CNTN1: variants seen among roughly 807,000 people sequenced by gnomAD.
CNTN1 encodes contactin 1.
In CNTN1, 38 loss-of-function variants were observed where a neutral mutation model predicts 126.4. The ratio of observed to expected loss-of-function variants is 0.30; its 90% CI spans 0.23 to 0.39. The LOEUF (loss-of-function observed/expected upper bound fraction) is 0.39. Ranked by LOEUF, CNTN1 falls within the 10% of genes least tolerant of loss-of-function variation. The pLI, the probability that CNTN1 is intolerant of heterozygous loss-of-function variation, is 1.00. For synonymous variants in CNTN1, 413 were observed against 422.6 expected, an observed-to-expected ratio of 0.98 and a Z score of 0.28; for missense variants, 1,009 against 1,248.4, an observed-to-expected ratio of 0.81 and a Z score of 2.89.
At chr12:41,060,514 T>G (rs1009509334) in intron 23 of CNTN1, among the ~76,000 whole-genome samples, 1 of 152,218 alleles carries the variant, frequency 6.6e-6, no homozygotes, top group South Asian at 2.1e-4. Context: ...CAAAATGGAA[T>G]GGGCATTTGA....
intron 1 of CNTN1, among the ~76,000 whole-genome samples, chr12:40,782,239 T>G (rs1366705941): frequency 1.3e-5 from 2 of 151,908 alleles, no homozygotes; most frequent in Non-Finnish European, 2.9e-5. Context: ...TAATTTCTAA[T>G]AGAAGTTGAT....
At chr12:41,008,018 T>G (rs1172060069) in intron 17 of CNTN1, among the ~76,000 whole-genome samples, 1 of 152,062 alleles carries the variant, frequency 6.6e-6, no homozygotes. Flanking sequence ...TCTATATCGT[T>G]CCCCCCTCTG....
intron 1 of CNTN1, chr12:40,896,105 C>T (rs1241491517): frequency 3.3e-5 from 5 of 152,082 alleles, no homozygotes; most frequent in African/African-American, 1.2e-4. Flanking sequence ...CATCGATGTT[C>T]ATAGGTGCTT....
At chr12:40,728,830 G>C (rs1270533530) in intron 1 of CNTN1, 1 of 152,268 alleles carries the variant, frequency 6.6e-6, no homozygotes. Context: ...AAGGAGACAG[G>C]TGGCTGGAGT....
chr12:40,780,980 A>G (rs1475006494), intron 1 of CNTN1, among the ~76,000 whole-genome samples: 3 of 151,542 alleles, frequency 2.0e-5, no homozygotes, highest in Non-Finnish European at 4.4e-5. Context: ...TTTCTTTTAC[A>G]CTAGACAGCA....
chr12:41,033,882 C>CA (rs34710701), intron 23 of CNTN1, among the ~76,000 whole-genome samples: 9,637 of 103,178 alleles, frequency 0.093, 357 homozygotes, highest in Middle Eastern at 0.19. Flanking sequence ...ACTAAAAATA[C>CA]AAAAAAAAAA....
chr12:40,885,252 GA>G (rs1287447761), intron 1 of CNTN1, among the ~76,000 whole-genome samples: 15 of 151,862 alleles, frequency 9.9e-5, no homozygotes, highest in Admixed American at 9.9e-4. Context: ...ACACAAAGAA[GA>G]ACCTATATGA....
At chr12:40,875,122 C>T (rs879265391) in intron 1 of CNTN1, among the ~76,000 whole-genome samples, 1 of 152,118 alleles carries the variant, frequency 6.6e-6, no homozygotes, top group Admixed American at 6.6e-5. Context: ...ATGCCTAAAC[C>T]TCTTTCCAGA....
chr12:40,807,972 TG>T (rs1940919516), intron 1 of CNTN1, among the ~76,000 whole-genome samples: 1 of 152,192 alleles, frequency 6.6e-6, no homozygotes, highest in African/African-American at 2.4e-5. Flanking sequence ...TTAACCACAA[TG>T]ATTTTCCAAA....
chr12:40,981,655 G>A (rs1277456424), intron 16 of CNTN1, among the ~76,000 whole-genome samples: 1 of 152,076 alleles, frequency 6.6e-6, no homozygotes, highest in East Asian at 1.9e-4. Flanking sequence ...CTAAGAATAA[G>A]TGGGTACTTT....
chr12:40,750,093 G>GA (rs1210877688), intron 1 of CNTN1, among the ~76,000 whole-genome samples: 3 of 152,052 alleles, frequency 2.0e-5, no homozygotes, highest in African/African-American at 7.2e-5. Flanking sequence ...TGGTTCAGAA[G>GA]AATGAGAGGA....
chr12:40,774,413 A>G lies in CNTN1; in HGVS notation c.-77+81821A>G, dbSNP rs556064832. Among the ~76,000 whole-genome samples, 7 of 151,830 alleles carry G rather than the reference A, an allele frequency of 4.6e-5. No homozygotes were observed. In the South Asian group the frequency reaches 1.4e-3, roughly 31 times the overall value. The stretch of plus-strand genomic sequence containing the variant: ...CATCTCTGAATGTTTAAGGGAAGAC[A>G]TCGATCTATCAGTAGTTCAATTATT... On this transcript the variant is annotated intron_variant, in intron 1 of 23. Coordinates refer to ENST00000551295, the MANE Select transcript of CNTN1 (RefSeq NM_001843.4).
chr12:40,904,088 G>A (rs912802496), intron 1 of CNTN1, among the ~76,000 whole-genome samples: 1 of 151,494 alleles, frequency 6.6e-6, no homozygotes. Context: ...GCGCGATCTC[G>A]GCTCACTGCA....
chr12:40,872,248 GTGTGTGTGTGT>G, intron 1 of CNTN1, among the ~76,000 whole-genome samples: 1 of 146,860 alleles, frequency 6.8e-6, no homozygotes, highest in Admixed American at 6.7e-5. Context: ...GTGTGTGTGT[GTGTGTGTGTGT>G]GTTTTCCCTA....
intron 1 of CNTN1, among the ~76,000 whole-genome samples, chr12:40,862,029 C>A (rs1042352360): frequency 6.7e-6 from 1 of 149,836 alleles, no homozygotes; most frequent in African/African-American, 2.5e-5. Context: ...GCCTGGGCAG[C>A]CGAGTGAGGC....
chr12:40,908,594 G>A lies in CNTN1; in HGVS notation c.61+101G>A, dbSNP rs1020017399. The A allele has an allele frequency of 2.3e-4, 189 of 810,868 alleles. 1 individual carries two copies. The Admixed American group carries it at 4.0e-3, about 17-fold the overall frequency. The allele number at this position is 810,868 out of a possible 1,614,324, so 50.2% of individuals were successfully genotyped here. ...ATGAAGTAAAAATTCTTATTTTCTCGACATCTGGGTCAGATAAGTAGATAA... is the reference window on the plus strand; with the variant it reads ...ATGAAGTAAAAATTCTTATTTTCTCAACATCTGGGTCAGATAAGTAGATAA... On this transcript the variant is annotated intron_variant, in intron 2 of 23. Transcript: ENST00000551295.
At position 41,070,045 on chromosome 12, in the gene CNTN1, G is replaced by A; in HGVS notation, c.*10G>A. On this transcript the variant is annotated 3_prime_UTR_variant, in exon 24 of 24. Transcript: ENST00000551295. Reference sequence around the variant, plus strand: ...CTACTTGGAATTCTGAATGTGTTGTGACAGCTGCTGTTCCCATCCCAGCTC... The same window carrying A: ...CTACTTGGAATTCTGAATGTGTTGTAACAGCTGCTGTTCCCATCCCAGCTC... 1 of 1,612,820 alleles carries A rather than the reference G, an allele frequency of 6.2e-7. No individual in the cohort carries two copies. Among genetic ancestry groups the A allele is most frequent in the Non-Finnish European group, 8.5e-7 (1 of 1,179,026 alleles).
chr12:40,838,454 A>C (rs1942151336), intron 1 of CNTN1, among the ~76,000 whole-genome samples: 1 of 152,176 alleles, frequency 6.6e-6, no homozygotes, highest in Admixed American at 6.5e-5. Context: ...GAATCTGAGC[A>C]AGACATCTGG....
At chr12:40,843,074 C>G (rs1942350549) in intron 1 of CNTN1, among the ~76,000 whole-genome samples, 1 of 152,166 alleles carries the variant, frequency 6.6e-6, no homozygotes. Context: ...ACACTGTCAG[C>G]TTCTCTGAAT....
Sources: gnomAD v4.1 joint callset for allele counts (sites outside exome capture counted in the v4.1 genomes callset) on GRCh38, gnomAD v4.1.1 for gene constraint, MANE v1.5 for transcripts, NCBI Gene and HGNC (gene_info 2026-07-23, HGNC 2026-07-21) for gene names.